SCHIP1: variants seen among roughly 807,000 people sequenced by gnomAD.
SCHIP1 encodes the protein schwannomin interacting protein 1, also known as schwannomin-interacting protein 1.
In SCHIP1, 8 loss-of-function variants were observed where a neutral mutation model predicts 29.7. That is an observed-to-expected ratio of 0.27 (90% CI 0.16 to 0.49). The LOEUF (loss-of-function observed/expected upper bound fraction) is 0.49, where lower values mean the gene tolerates loss of function less well. Ranked by LOEUF, SCHIP1 falls within the 20% of genes least tolerant of loss-of-function variation. SCHIP1 has a pLI of 0.99. For missense variants in SCHIP1, 193 were observed against 294.6 expected (o/e 0.66, Z 2.52); for synonymous variants, 76 against 94.9 (o/e 0.80, Z 1.16).
At chr3:159,480,534 T>C in the SCHIP1 span, among the ~76,000 whole-genome samples, 1 of 152,160 alleles carries the variant, frequency 6.6e-6, no homozygotes, top group Non-Finnish European at 1.5e-5. Context: ...TATAATTTCT[T>C]TGGGAATTTT....
chr3:159,518,611 C>T, the SCHIP1 span, among the ~76,000 whole-genome samples: 1 of 152,002 alleles, frequency 6.6e-6, no homozygotes. Flanking sequence ...TTTTTCTACT[C>T]ATTAAGGACA....
the SCHIP1 span, among the ~76,000 whole-genome samples, chr3:159,346,460 A>C: frequency 6.6e-6 from 1 of 152,076 alleles, no homozygotes; most frequent in South Asian, 2.1e-4. Context: ...AAATGAAAGC[A>C]TATTGTCAGT....
chr3:159,888,288 G>A (rs1717153942), intron 4 of SCHIP1: 1 of 259,354 alleles, frequency 3.9e-6, no homozygotes, highest in African/African-American at 2.2e-5. Flanking sequence ...TAGTGAATAG[G>A]AGTCCTGGAC....
chr3:159,862,158 G>C (rs1321873981), intron 1 of SCHIP1, among the ~76,000 whole-genome samples: 1 of 152,122 alleles, frequency 6.6e-6, no homozygotes, highest in Non-Finnish European at 1.5e-5. Flanking sequence ...CTCTTTTTCT[G>C]AGAAAACATC....
chr3:159,661,964 T>C, the SCHIP1 span, among the ~76,000 whole-genome samples: 4 of 152,194 alleles, frequency 2.6e-5, no homozygotes, highest in African/African-American at 9.7e-5. Flanking sequence ...GTAGTTTCAG[T>C]AAACAATCTT....
At chr3:159,380,882 G>A in the SCHIP1 span, among the ~76,000 whole-genome samples, 1 of 152,130 alleles carries the variant, frequency 6.6e-6, no homozygotes, top group South Asian at 2.1e-4. Context: ...TCTTTCTCAA[G>A]CAGTGGACCA....
the SCHIP1 span, chr3:159,274,163 A>G: frequency 1.0e-6 from 1 of 985,346 alleles, no homozygotes; most frequent in Non-Finnish European, 1.2e-6. Flanking sequence ...ATTGCATTGC[A>G]GTGGACTTTG....
the SCHIP1 span, among the ~76,000 whole-genome samples, chr3:159,496,510 A>G: frequency 1.3e-5 from 2 of 152,254 alleles, no homozygotes; most frequent in Non-Finnish European, 2.9e-5. Flanking sequence ...AAAAATGCTC[A>G]TCATCACTGG....
the SCHIP1 span, among the ~76,000 whole-genome samples, chr3:159,496,166 G>A: frequency 0.016 from 2,388 of 152,262 alleles, 72 homozygotes; most frequent in African/African-American, 0.055. Flanking sequence ...TGAAAACCTA[G>A]GCAATACCAT....
the SCHIP1 span, among the ~76,000 whole-genome samples, chr3:159,610,925 A>T: frequency 9.9e-5 from 15 of 152,120 alleles, no homozygotes; most frequent in African/African-American, 3.4e-4. Context: ...TCCATACGTG[A>T]TAATATCTTA....
At chr3:159,494,887 A>G in the SCHIP1 span, among the ~76,000 whole-genome samples, 244 of 152,340 alleles carry the variant, frequency 1.6e-3, 3 homozygotes, top group Middle Eastern at 0.027. Context: ...ATCCAGCAAC[A>G]CATCAAAAAG....
the SCHIP1 span, among the ~76,000 whole-genome samples, chr3:159,619,690 C>T: frequency 3.3e-5 from 5 of 152,202 alleles, no homozygotes; most frequent in Admixed American, 6.5e-5. Context: ...GGAAACTGTA[C>T]ACTTTTTGTT....
the SCHIP1 span, among the ~76,000 whole-genome samples, chr3:159,509,912 A>T: frequency 6.6e-6 from 1 of 151,906 alleles, no homozygotes; most frequent in Non-Finnish European, 1.5e-5. Context: ...TTTTTCCTTC[A>T]TTTCAACTTT....
At chr3:159,882,958 T>C (rs1716593874) in intron 2 of SCHIP1, among the ~76,000 whole-genome samples, 1 of 152,200 alleles carries the variant, frequency 6.6e-6, no homozygotes, top group Non-Finnish European at 1.5e-5. Flanking sequence ...ACATACTTAG[T>C]CTTTATCTCT....
the SCHIP1 span, chr3:159,808,566 G>A: frequency 6.6e-6 from 1 of 152,252 alleles, no homozygotes; most frequent in Non-Finnish European, 1.5e-5. Context: ...AGGTCAAGAA[G>A]CAATGGTCAA....
At chr3:159,714,279 C>T in the SCHIP1 span, among the ~76,000 whole-genome samples, 3 of 152,052 alleles carry the variant, frequency 2.0e-5, no homozygotes, top group South Asian at 2.1e-4. Context: ...CCAAGATGGC[C>T]GAATAGGAAC....
the SCHIP1 span, among the ~76,000 whole-genome samples, chr3:159,534,555 G>A: frequency 5.9e-5 from 9 of 152,046 alleles, no homozygotes; most frequent in African/African-American, 2.2e-4. Context: ...GTTGCCTTGG[G>A]TGTTAACATC....
At chr3:159,644,793 A>G in the SCHIP1 span, among the ~76,000 whole-genome samples, 2 of 152,144 alleles carry the variant, frequency 1.3e-5, no homozygotes, top group Admixed American at 1.3e-4. Context: ...TTTAACGTAT[A>G]AGCATTCTGC....
At chr3:159,726,695 C>A in the SCHIP1 span, among the ~76,000 whole-genome samples, 1 of 152,140 alleles carries the variant, frequency 6.6e-6, no homozygotes, top group East Asian at 1.9e-4. Context: ...AATGGCTAAC[C>A]TTACTGTACT....
Sources: allele counts gnomAD v4.1 joint callset (sites outside exome capture counted in the v4.1 genomes callset), GRCh38; gene constraint gnomAD v4.1.1; transcripts MANE v1.5; gene names NCBI Gene and HGNC (gene_info 2026-07-23, HGNC 2026-07-21).